ZEB1: variants seen among roughly 807,000 people sequenced by gnomAD.
ZEB1 encodes the protein zinc finger E-box binding homeobox 1, also known as zinc finger E-box-binding homeobox 1.
In ZEB1, 21 loss-of-function variants were observed where a neutral mutation model predicts 84.9. That is an observed-to-expected ratio of 0.25 (90% CI 0.18 to 0.36). ZEB1 has a LOEUF of 0.36. ZEB1 is among the 10% of genes least tolerant of loss of function. The pLI is 1.00. For missense variants in ZEB1, 1,104 were observed against 1,330.2 expected (o/e 0.83, Z 2.65); for synonymous variants, 420 against 471.1 (o/e 0.89, Z 1.41).
At position 31,375,950 on chromosome 10, in the gene ZEB1, G is replaced by T. The variant is rs570727760; in HGVS notation, c.58+56658G>T. On this transcript the variant is annotated intron_variant, in intron 1 of 8. Transcript: ENST00000424869. ...AGTTCCTGCTGATATAAGTCACGAG[G>T]ATTATTTGAAGGAAATTTATGTCAC... Among the ~76,000 whole-genome samples, 151 of 151,638 alleles carry T rather than the reference G, an allele frequency of 1.0e-3. 3 individuals are homozygous for T. The highest frequency in any genetic ancestry group is 3.4e-3 in the Middle Eastern group (1 of 294).
rs112820185 is a variant in ZEB1 at position 31,368,733 on chromosome 10, A to G, written c.58+49441A>G. 2.2e-3 allele frequency among the ~76,000 whole-genome samples: 332 copies of G among 152,334 alleles called. 6 individuals are homozygous for G. The highest frequency in any genetic ancestry group is 7.7e-3 in the African/African-American group (319 of 41,582). ...TGCTAAAATATTTTATCTTTTTAAT[A>G]ATAAATGATAAGAATATTTTGTTCC... is the stretch of plus-strand genomic sequence containing the variant. On this transcript the variant is annotated intron_variant, in intron 1 of 8. Coordinates refer to ENST00000424869, the MANE Select transcript of ZEB1 (RefSeq NM_001174096.2).
chr10:31,443,082 G>A (rs11008498), intron 1 of ZEB1, among the ~76,000 whole-genome samples: 11,884 of 152,204 alleles, frequency 0.078, 661 homozygotes, highest in African/African-American at 0.16. Context: ...GAGAGTGTAC[G>A]TGAGAAGTGA....
At position 31,477,214 on chromosome 10, in the gene ZEB1, A is replaced by G. The variant is rs2064340574; in HGVS notation, c.259+15977A>G. ...CTTCAGTAAAGTTTTAGGATATAGAATGAATGTACATAAACCAGTAGCATT... is the reference window on the plus strand; with the variant it reads ...CTTCAGTAAAGTTTTAGGATATAGAGTGAATGTACATAAACCAGTAGCATT... On this transcript the variant is annotated intron_variant, in intron 2 of 8. Coordinates refer to ENST00000424869, the MANE Select transcript of ZEB1 (RefSeq NM_001174096.2). Among the ~76,000 whole-genome samples the G allele has an allele frequency of 2.0e-5, 3 of 152,080 alleles. No individual in the cohort carries two copies. The South Asian group carries it at 6.2e-4, about 31-fold the overall frequency.
chr10:31,319,037 A>C, upstream of ZEB1: 1 of 614,322 alleles, frequency 1.6e-6, no homozygotes, highest in Non-Finnish European at 3.0e-6. Flanking sequence ...GGTTGCCGCA[A>C]ACCGCCCGGT....
Position 31,524,112 on chromosome 10 carries a change from A to G in ZEB1, c.2784A>G (p.Thr928=). The G allele has an allele frequency of 6.2e-7, 1 of 1,613,590 alleles. No homozygotes were observed. The highest frequency in any genetic ancestry group is 8.5e-7 in the Non-Finnish European group (1 of 1,179,698). ...SSLLRHKYEH[T]GKRPHECGIC... is the part of the protein sequence containing the mutation. ...TATTGAGACATAAATATGAACACAC[A>G]GGTATGTCAGTGAACACAAACATAA... The change falls in exon 8 of 9, where the codon ACA becomes ACG. Residue 928 remains threonine, a splice_region_variant and synonymous_variant. Transcript: ENST00000424869.
At chr10:31,396,302 T>C (rs1354300285) in intron 1 of ZEB1, among the ~76,000 whole-genome samples, 1 of 152,184 alleles carries the variant, frequency 6.6e-6, no homozygotes, top group Non-Finnish European at 1.5e-5. Flanking sequence ...ACTGGCACGA[T>C]GGTGGCGATA....
chr10:31,406,051 C>T (rs2052953503), intron 1 of ZEB1, among the ~76,000 whole-genome samples: 1 of 152,170 alleles, frequency 6.6e-6, no homozygotes, highest in Non-Finnish European at 1.5e-5. Context: ...CATAGTATTC[C>T]ATGGTGTATA....
At chr10:31,384,154 T>C (rs938901529) in intron 1 of ZEB1, among the ~76,000 whole-genome samples, 3 of 151,908 alleles carry the variant, frequency 2.0e-5, no homozygotes, top group African/African-American at 7.3e-5. Flanking sequence ...TTTTGTACTT[T>C]TAGTAGAGAC....
At chr10:31,464,878 G>GTTT (rs1564973941) in intron 2 of ZEB1, among the ~76,000 whole-genome samples, 4 of 152,086 alleles carry the variant, frequency 2.6e-5, no homozygotes, top group Non-Finnish European at 4.4e-5. Context: ...ACTGAAGGCA[G>GTTT]TTTTTCAAGT....
At chr10:31,451,888 A>G (rs2060608907) in intron 1 of ZEB1, among the ~76,000 whole-genome samples, 1 of 152,144 alleles carries the variant, frequency 6.6e-6, no homozygotes, top group Non-Finnish European at 1.5e-5. Context: ...AATCCTACGA[A>G]TCCTTAGTAA....
At chr10:31,518,999 T>G (rs774605906) in intron 6 of ZEB1, among the ~76,000 whole-genome samples, 68 of 152,298 alleles carry the variant, frequency 4.5e-4, no homozygotes, top group Non-Finnish European at 8.7e-4. Flanking sequence ...ATTTTAATTC[T>G]TAAAAAGAGC....
intron 2 of ZEB1, among the ~76,000 whole-genome samples, chr10:31,472,559 A>G (rs2063426325): frequency 6.9e-6 from 1 of 144,418 alleles, no homozygotes; most frequent in Non-Finnish European, 1.5e-5. Context: ...AATTGTGGCA[A>G]TAATCAATAG....
At chr10:31,507,071 C>G (rs1554919090) in intron 4 of ZEB1, among the ~76,000 whole-genome samples, 3 of 152,114 alleles carry the variant, frequency 2.0e-5, no homozygotes, top group Non-Finnish European at 1.5e-5. Flanking sequence ...CTTTATTTCT[C>G]TTTCATTTAT....
At chr10:31,451,503 C>T (rs2060565802) in intron 1 of ZEB1, among the ~76,000 whole-genome samples, 1 of 152,130 alleles carries the variant, frequency 6.6e-6, no homozygotes, top group Non-Finnish European at 1.5e-5. Flanking sequence ...ACCTATCTTC[C>T]ATAAGTAACA....
chr10:31,375,090 CAG>C (rs1554828556), intron 1 of ZEB1: 1,513 of 139,912 alleles, frequency 0.011, 14 homozygotes, highest in Middle Eastern at 0.021. Context: ...CACACACACA[CAG>C]AGAAGCATAC....
At chr10:31,446,707 A>G (rs1288943325) in intron 1 of ZEB1, among the ~76,000 whole-genome samples, 2 of 151,968 alleles carry the variant, frequency 1.3e-5, no homozygotes, top group Non-Finnish European at 2.9e-5. Context: ...TTCAGTTTCC[A>G]TGTAGTTGAG....
At chr10:31,360,809 C>T (rs2042905141) in intron 1 of ZEB1, 3 of 670,258 alleles carry the variant, frequency 4.5e-6, no homozygotes, top group Admixed American at 4.8e-5. Context: ...ATCATATATA[C>T]ACTTAAAGTA....
intron 1 of ZEB1, among the ~76,000 whole-genome samples, chr10:31,376,773 T>C (rs921894469): frequency 2.0e-5 from 3 of 151,670 alleles, no homozygotes; most frequent in Admixed American, 2.0e-4. Context: ...TAGAAGAGTA[T>C]CTAGCATATG....
intron 1 of ZEB1, chr10:31,321,674 CAT>C (rs2034105473): frequency 8.5e-7 from 1 of 1,178,228 alleles, no homozygotes; most frequent in Non-Finnish European, 1.3e-6. Context: ...CTGCTGTAAA[CAT>C]GTTTACCTGA....
Sources: allele counts gnomAD v4.1 joint callset (sites outside exome capture counted in the v4.1 genomes callset), GRCh38; gene constraint gnomAD v4.1.1; transcripts MANE v1.5; gene names NCBI Gene and HGNC (gene_info 2026-07-23, HGNC 2026-07-21).